Variants in QTMAN observed in about 807,000 individuals in gnomAD.
QTMAN encodes tRNA-queuosine alpha-mannosyltransferase.
the QTMAN span, among the ~76,000 whole-genome samples, chr2:144,039,419 G>A: frequency 1.3e-5 from 2 of 152,002 alleles, no homozygotes; most frequent in African/African-American, 4.8e-5. Flanking sequence ...TGAACGTTAG[G>A]ATGAGAACCA....
the QTMAN span, among the ~76,000 whole-genome samples, chr2:144,285,950 A>G: frequency 6.6e-6 from 1 of 152,204 alleles, no homozygotes; most frequent in African/African-American, 2.4e-5. Flanking sequence ...GCTTGAATTT[A>G]GCAGGCCTTT....
At chr2:144,266,375 C>T in the QTMAN span, among the ~76,000 whole-genome samples, 1 of 152,076 alleles carries the variant, frequency 6.6e-6, no homozygotes, top group African/African-American at 2.4e-5. Context: ...AAATCACTAC[C>T]CCACAGCCCC....
At chr2:144,133,247 A>AATATATATTTATATT in the QTMAN span, among the ~76,000 whole-genome samples, 1 of 52,582 alleles carries the variant, frequency 1.9e-5, no homozygotes, top group African/African-American at 1.5e-4. Context: ...TTATATATAA[A>AATATATATTTATATT]TATATATAAA....
At chr2:144,168,953 T>C in the QTMAN span, among the ~76,000 whole-genome samples, 5 of 152,208 alleles carry the variant, frequency 3.3e-5, no homozygotes, top group East Asian at 1.9e-4. Flanking sequence ...CGTAGAATTA[T>C]TTTTATTAAA....
the QTMAN span, among the ~76,000 whole-genome samples, chr2:144,199,155 C>A: frequency 9.9e-5 from 15 of 151,872 alleles, no homozygotes; most frequent in African/African-American, 9.7e-5. Flanking sequence ...TCAAACGATT[C>A]TCCTATCTCA....
chr2:144,123,978 C>T, the QTMAN span, among the ~76,000 whole-genome samples: 1 of 152,048 alleles, frequency 6.6e-6, no homozygotes, highest in African/African-American at 2.4e-5. Flanking sequence ...TCCCTCTAAA[C>T]AAACTAAAAC....
At chr2:144,262,807 GGAGGAGA>G in the QTMAN span, among the ~76,000 whole-genome samples, 1 of 81,050 alleles carries the variant, frequency 1.2e-5, no homozygotes, top group African/African-American at 5.1e-5. Context: ...AGGTGAGATG[GGAGGAGA>G]GGGGAGAGGG....
chr2:144,095,761 G>T, the QTMAN span, among the ~76,000 whole-genome samples: 1 of 152,006 alleles, frequency 6.6e-6, no homozygotes, highest in East Asian at 1.9e-4. Flanking sequence ...TCAATCTATT[G>T]CTCGGTTTTA....
At chr2:144,303,153 T>C in the QTMAN span, among the ~76,000 whole-genome samples, 40 of 151,846 alleles carry the variant, frequency 2.6e-4, no homozygotes, top group Admixed American at 1.2e-3. Flanking sequence ...ATGAGAGACT[T>C]TGAAGAATGG....
At chr2:143,954,154 A>G in the QTMAN span, among the ~76,000 whole-genome samples, 1 of 152,002 alleles carries the variant, frequency 6.6e-6, no homozygotes, top group South Asian at 2.1e-4. Flanking sequence ...GCACAGCTAT[A>G]AACTACACTG....
the QTMAN span, among the ~76,000 whole-genome samples, chr2:144,175,949 G>A: frequency 6.6e-6 from 1 of 152,156 alleles, no homozygotes; most frequent in Admixed American, 6.5e-5. Flanking sequence ...ACAGGTGTGA[G>A]CCACCATGCT....
chr2:144,188,395 A>G, the QTMAN span, among the ~76,000 whole-genome samples: 1 of 152,204 alleles, frequency 6.6e-6, no homozygotes, highest in Non-Finnish European at 1.5e-5. Flanking sequence ...AGAGAAACCA[A>G]CTGACTTTTG....
the QTMAN span, among the ~76,000 whole-genome samples, chr2:144,318,424 T>C: frequency 6.6e-6 from 1 of 152,134 alleles, no homozygotes; most frequent in Non-Finnish European, 1.5e-5. Context: ...CAAAAGAGTT[T>C]AAGGTATTCA....
the QTMAN span, among the ~76,000 whole-genome samples, chr2:144,091,281 C>T: frequency 6.6e-6 from 1 of 151,872 alleles, no homozygotes; most frequent in Admixed American, 6.6e-5. Context: ...AAATGTAAAA[C>T]CTAATTCTAA....
the QTMAN span, among the ~76,000 whole-genome samples, chr2:144,118,665 C>T: frequency 1.3e-5 from 2 of 152,066 alleles, no homozygotes; most frequent in African/African-American, 2.4e-5. Context: ...GGGTGGATCA[C>T]GAGGTCACGA....
At chr2:144,042,621 G>A in the QTMAN span, among the ~76,000 whole-genome samples, 18 of 151,992 alleles carry the variant, frequency 1.2e-4, no homozygotes, top group African/African-American at 1.9e-4. Flanking sequence ...ATTAGCTGGC[G>A]TGGTGGTACA....
the QTMAN span, among the ~76,000 whole-genome samples, chr2:144,115,073 A>T: frequency 6.6e-6 from 1 of 152,044 alleles, no homozygotes; most frequent in Admixed American, 6.5e-5. Flanking sequence ...TACTAAAAAT[A>T]CAAAAAAATT....
the QTMAN span, among the ~76,000 whole-genome samples, chr2:144,010,684 A>G: frequency 6.7e-6 from 1 of 149,760 alleles, no homozygotes; most frequent in Non-Finnish European, 1.5e-5. Context: ...TGAAAATTAG[A>G]GAGTGTTTAG....
At chr2:144,228,513 T>C in the QTMAN span, among the ~76,000 whole-genome samples, 1 of 152,206 alleles carries the variant, frequency 6.6e-6, no homozygotes, top group Non-Finnish European at 1.5e-5. Context: ...AACATTCATA[T>C]ATATAATACA....
Sources: allele counts gnomAD v4.1 joint callset (sites outside exome capture counted in the v4.1 genomes callset), GRCh38; gene constraint gnomAD v4.1.1; transcripts MANE v1.5; gene names NCBI Gene and HGNC (gene_info 2026-07-23, HGNC 2026-07-21).